The following PHF21B variants were observed in gnomAD, a reference collection of about 807,000 sequenced individuals.
PHF21B encodes PHD finger protein 21B.
In PHF21B, 22 loss-of-function variants were observed where a neutral mutation model predicts 62.2. The ratio of observed to expected loss-of-function variants is 0.35; its 90% CI spans 0.25 to 0.51. The LOEUF (loss-of-function observed/expected upper bound fraction) is 0.51, where lower values mean the gene tolerates loss of function less well. Ranked by LOEUF, PHF21B falls within the 20% of genes least tolerant of loss-of-function variation. The pLI is 0.97. For synonymous variants in PHF21B, 341 were observed against 314.7 expected, an observed-to-expected ratio of 1.08 and a Z score of -0.88; for missense variants, 701 against 707.9, an observed-to-expected ratio of 0.99 and a Z score of 0.11.
At chr22:44,960,604 G>A (rs1226065267) in intron 2 of PHF21B, among the ~76,000 whole-genome samples, 1 of 152,162 alleles carries the variant, frequency 6.6e-6, no homozygotes, top group African/African-American at 2.4e-5. Flanking sequence ...CAGACATCTG[G>A]GCAAGCATTA....
chr22:45,009,473 G>A lies in PHF21B; in HGVS notation c.54+23C>T, dbSNP rs756855386. The stretch of plus-strand genomic sequence containing the variant: ...ACCCCGCAACACACTCCCCGGCCCC[G>A]GGCCCGGCCCCCGGCCACCTACCTG... On this transcript the variant is annotated intron_variant, in intron 1 of 12. Transcript: ENST00000313237. This position sits in a 1 kb window ranked among gnomAD's most constrained non-coding sequence, Gnocchi z 5.9. The A allele has an allele frequency of 1.2e-5, 19 of 1,528,472 alleles. No homozygotes were observed. The highest frequency in any genetic ancestry group is 1.6e-5 in the Non-Finnish European group (18 of 1,144,340). The allele number at this position is 1,528,472 out of a possible 1,614,324, so 94.7% of individuals were successfully genotyped here.
chr22:44,890,246 G>T lies in PHF21B; in HGVS notation c.1016-464C>A, dbSNP rs149206114. On this transcript the variant is annotated intron_variant, in intron 8 of 12. Transcript: ENST00000313237. ...AGGACATAGTGGCAGTGAGCTGCCC[G>T]GGGGGAAGGAAACATCACTCCAAGA... 1.6e-4 allele frequency among the ~76,000 whole-genome samples: 25 copies of T among 152,250 alleles called. 1 individual carries two copies. In the East Asian group the frequency reaches 4.8e-3, roughly 29 times the overall value.
At chr22:44,939,821 G>A (rs1465171040) in intron 2 of PHF21B, among the ~76,000 whole-genome samples, 2 of 152,172 alleles carry the variant, frequency 1.3e-5, no homozygotes, top group Non-Finnish European at 1.5e-5. Context: ...GAGCTGCCCA[G>A]TAATCCAAGA....
chr22:44,946,764 G>A (rs1486300576), intron 2 of PHF21B, among the ~76,000 whole-genome samples: 1 of 152,128 alleles, frequency 6.6e-6, no homozygotes, highest in African/African-American at 2.4e-5. Flanking sequence ...AGGTTGCAGG[G>A]GCTGCACACC....
At chr22:44,996,696 GCATATACACATGCAGA>G (rs1416632023) in intron 2 of PHF21B, among the ~76,000 whole-genome samples, 1 of 151,626 alleles carries the variant, frequency 6.6e-6, no homozygotes, top group African/African-American at 2.4e-5. Context: ...ACGCATACAT[GCATATACACATGCAGA>G]CATATACACA....
chr22:44,883,593 C>T (rs1045606338), intron 12 of PHF21B, among the ~76,000 whole-genome samples: 1 of 152,192 alleles, frequency 6.6e-6, no homozygotes, highest in Admixed American at 6.5e-5. Context: ...TGCCCACACT[C>T]TTCCTCCTCC....
chr22:44,998,908 T>G (rs2073165583), intron 2 of PHF21B, among the ~76,000 whole-genome samples: 1 of 152,148 alleles, frequency 6.6e-6, no homozygotes, highest in African/African-American at 2.4e-5. Flanking sequence ...ACCCCCACTT[T>G]GAGACCAGGA....
intron 5 of PHF21B, among the ~76,000 whole-genome samples, chr22:44,907,480 C>A (rs1336343126): frequency 6.6e-6 from 1 of 152,108 alleles, no homozygotes; most frequent in African/African-American, 2.4e-5. Flanking sequence ...CGGAGTGGGG[C>A]GTGGGATGTA....
At chr22:44,973,589 G>A (rs5766248) in intron 2 of PHF21B, among the ~76,000 whole-genome samples, 31,533 of 151,992 alleles carry the variant, frequency 0.21, 4,538 homozygotes, top group East Asian at 0.72. Flanking sequence ...GGGGTGGGGG[G>A]CACACTTTTA....
intron 7 of PHF21B, among the ~76,000 whole-genome samples, chr22:44,891,889 T>A (rs903746473): frequency 1.3e-5 from 2 of 152,180 alleles, no homozygotes; most frequent in Non-Finnish European, 2.9e-5. Context: ...ACCTTGGTGG[T>A]TCAAAGTGGC....
intron 2 of PHF21B, among the ~76,000 whole-genome samples, chr22:44,946,515 AGGGTGGACGGATGGT>A (rs1266405377): frequency 1.3e-5 from 2 of 152,012 alleles, no homozygotes; most frequent in African/African-American, 2.4e-5. Flanking sequence ...GATGGATGAA[AGGGTGGACGGATGGT>A]GGGTGGACGG....
At chr22:44,918,230 G>T (rs1168456553) in intron 3 of PHF21B, among the ~76,000 whole-genome samples, 1 of 152,264 alleles carries the variant, frequency 6.6e-6, no homozygotes, top group Non-Finnish European at 1.5e-5. Flanking sequence ...GGACACCCAT[G>T]TGGTGGTCAG....
intron 2 of PHF21B, among the ~76,000 whole-genome samples, chr22:44,985,997 C>CA (rs2147491418): frequency 6.6e-6 from 1 of 151,450 alleles, no homozygotes; most frequent in East Asian, 2.1e-4. Flanking sequence ...TCACCATCAC[C>CA]ATGACAACCA....
Position 45,009,694 on chromosome 22 carries a change from A to C in PHF21B, c.-145T>G. The C allele has an allele frequency of 1.4e-6, 1 of 721,594 alleles. No individual in the cohort carries two copies. The highest frequency in any genetic ancestry group is 2.1e-6 in the Non-Finnish European group (1 of 483,570). 44.7% of individuals were successfully genotyped at this position (721,594 alleles called of 1,614,324 possible). A position where few individuals can be genotyped will look rare whatever the true frequency, so the allele number is the denominator to read the frequency against. On this transcript the variant is annotated 5_prime_UTR_variant, in exon 1 of 13. Transcript: ENST00000313237. This position sits in a 1 kb window ranked among gnomAD's most constrained non-coding sequence, Gnocchi z 5.9. ...ACACGAGCCCCCTCCCCCACGGCCGAAAGGGAAGGGGGCTGGCGAAGGGGA... is the reference window on the plus strand; with the variant it reads ...ACACGAGCCCCCTCCCCCACGGCCGCAAGGGAAGGGGGCTGGCGAAGGGGA...
intron 5 of PHF21B, among the ~76,000 whole-genome samples, chr22:44,900,148 G>T (rs193209855): frequency 6.6e-6 from 1 of 151,604 alleles, no homozygotes; most frequent in African/African-American, 2.4e-5. Flanking sequence ...ATATATTATC[G>T]GAACACATCA....
intron 5 of PHF21B, among the ~76,000 whole-genome samples, chr22:44,909,671 G>A (rs2071311783): frequency 6.6e-6 from 1 of 152,206 alleles, no homozygotes; most frequent in Non-Finnish European, 1.5e-5. Flanking sequence ...ACCCCCTACT[G>A]CAGTCCGAAA....
At chr22:44,991,800 T>C (rs2147506240) in intron 2 of PHF21B, among the ~76,000 whole-genome samples, 1 of 152,360 alleles carries the variant, frequency 6.6e-6, no homozygotes, top group Middle Eastern at 3.4e-3. Flanking sequence ...AGGACTCACC[T>C]GGGGACACGG....
At chr22:44,979,754 T>C (rs919805121) in intron 2 of PHF21B, among the ~76,000 whole-genome samples, 9 of 152,190 alleles carry the variant, frequency 5.9e-5, no homozygotes, top group Non-Finnish European at 1.3e-4. Context: ...GTCTTGCTTG[T>C]TTTTGTTCAT....
intron 2 of PHF21B, among the ~76,000 whole-genome samples, chr22:45,007,911 G>A (rs1019376147): frequency 7.3e-5 from 11 of 151,560 alleles, no homozygotes; most frequent in Non-Finnish European, 1.5e-4. Context: ...GGGGCCCGGA[G>A]GGGGGGGAGC....
Sources: allele counts gnomAD v4.1 joint callset (sites outside exome capture counted in the v4.1 genomes callset), GRCh38; gene constraint gnomAD v4.1.1; non-coding constraint Gnocchi (gnomAD v3.1); transcripts MANE v1.5; gene names NCBI Gene and HGNC (gene_info 2026-07-23, HGNC 2026-07-21).